SDK1: variants seen among roughly 807,000 people sequenced by gnomAD.
The protein encoded by SDK1 is protein sidekick-1.
In SDK1, 157 loss-of-function variants were observed where a neutral mutation model predicts 245.5. The ratio of observed to expected loss-of-function variants is 0.64; its 90% CI spans 0.56 to 0.73. SDK1 has a LOEUF of 0.73. SDK1 is among the 30% of genes least tolerant of loss of function. SDK1 has a pLI of 0.00. For synonymous variants in SDK1, 1,647 were observed against 1,278.5 expected (o/e 1.29, Z -6.15); for missense variants, 3,583 against 3,002.3 (o/e 1.19, Z -4.52).
intron 4 of SDK1, among the ~76,000 whole-genome samples, chr7:3,806,623 G>A (rs1356324270): frequency 6.6e-6 from 1 of 152,216 alleles, no homozygotes; most frequent in Non-Finnish European, 1.5e-5. Flanking sequence ...TACTGCTTGT[G>A]GCAAACCTAA....
chr7:3,575,648 C>G (rs142611741), intron 1 of SDK1, among the ~76,000 whole-genome samples: 1 of 151,910 alleles, frequency 6.6e-6, no homozygotes, highest in Non-Finnish European at 1.5e-5. Flanking sequence ...TTCAAAGGGA[C>G]TGTCTTCATA....
At chr7:3,846,565 C>G (rs1481671840) in intron 5 of SDK1, among the ~76,000 whole-genome samples, 1 of 152,208 alleles carries the variant, frequency 6.6e-6, no homozygotes, top group Non-Finnish European at 1.5e-5. Flanking sequence ...AGGAAGCCAT[C>G]CACCACTCTA....
At chr7:4,204,761 A>G (rs1173240337) in intron 35 of SDK1, among the ~76,000 whole-genome samples, 1 of 152,246 alleles carries the variant, frequency 6.6e-6, no homozygotes, top group Non-Finnish European at 1.5e-5. Context: ...CCCCCTGCAC[A>G]GCTGCCCTGG....
intron 2 of SDK1, among the ~76,000 whole-genome samples, chr7:3,619,761 G>C (rs1344891169): frequency 6.6e-6 from 1 of 152,170 alleles, no homozygotes; most frequent in Non-Finnish European, 1.5e-5. Context: ...TTGAAGTCCT[G>C]CCATGTGCCC....
chr7:3,814,644 G>A (rs1170222011), intron 4 of SDK1, among the ~76,000 whole-genome samples: 1 of 152,026 alleles, frequency 6.6e-6, no homozygotes, highest in African/African-American at 2.4e-5. Context: ...TTCCAATTCT[G>A]TGAAGAAAGT....
At position 3,821,621 on chromosome 7, in the gene SDK1, A is replaced by G. The variant is rs758518829; in HGVS notation, c.847+38A>G. The G allele has an allele frequency of 6.2e-6, 10 of 1,605,950 alleles. No individual in the cohort carries two copies. The Admixed American group carries it at 6.8e-5, about 11-fold the overall frequency. ...ATCCCAAATGGTAATTCTGCAAGCA[A>G]TAAAATCTTGCTTTAATCAGTAACC... is the stretch of plus-strand genomic sequence containing the variant. On this transcript the variant is annotated intron_variant, in intron 5 of 44. Coordinates refer to ENST00000404826, the MANE Select transcript of SDK1 (RefSeq NM_152744.4).
intron 3 of SDK1, 151 bp from the exon 4 acceptor site, chr7:3,641,807 G>T (rs1782657041): frequency 1.5e-6 from 1 of 650,834 alleles, no homozygotes; most frequent in Non-Finnish European, 2.6e-6. Context: ...GATCCGCGTT[G>T]GTCAGCGCTG....
At chr7:3,614,219 A>G (rs1781694451) in intron 1 of SDK1, among the ~76,000 whole-genome samples, 1 of 151,998 alleles carries the variant, frequency 6.6e-6, no homozygotes, top group African/African-American at 2.4e-5. Flanking sequence ...CACAGATGAG[A>G]CTCTCTCTTT....
chr7:3,576,802 C>T (rs1780307292), intron 1 of SDK1, among the ~76,000 whole-genome samples: 1 of 151,988 alleles, frequency 6.6e-6, no homozygotes, highest in Non-Finnish European at 1.5e-5. Flanking sequence ...TTGATTCAGG[C>T]AGAAGGTATT....
chr7:4,067,014 C>T (rs568375376), intron 19 of SDK1, among the ~76,000 whole-genome samples: 2 of 152,170 alleles, frequency 1.3e-5, no homozygotes, highest in African/African-American at 2.4e-5. Context: ...ATCATGACAG[C>T]GGCTGATGAT....
chr7:3,420,117 G>T (rs1779497851), intron 1 of SDK1, among the ~76,000 whole-genome samples: 4 of 152,140 alleles, frequency 2.6e-5, no homozygotes, highest in African/African-American at 9.7e-5. Flanking sequence ...GCATACCCCA[G>T]AGCAAAAACA....
intron 1 of SDK1, among the ~76,000 whole-genome samples, chr7:3,490,353 T>C (rs1781830409): frequency 6.6e-6 from 1 of 152,184 alleles, no homozygotes; most frequent in Non-Finnish European, 1.5e-5. Flanking sequence ...TCTTTCAGGA[T>C]TGCTTTGTTA....
At chr7:3,310,665 G>A (rs1313708128) in intron 1 of SDK1, among the ~76,000 whole-genome samples, 1 of 152,162 alleles carries the variant, frequency 6.6e-6, no homozygotes, top group Admixed American at 6.5e-5. Context: ...GACCTTTGAG[G>A]CATCTAGACA....
intron 4 of SDK1, among the ~76,000 whole-genome samples, chr7:3,710,091 G>A (rs753544102): frequency 3.9e-5 from 6 of 152,208 alleles, no homozygotes; most frequent in Non-Finnish European, 5.9e-5. Flanking sequence ...AACCTCACAT[G>A]TTGTTCACAA....
At chr7:3,384,658 C>CTG (rs1781566334) in intron 1 of SDK1, among the ~76,000 whole-genome samples, 1 of 152,212 alleles carries the variant, frequency 6.6e-6, no homozygotes, top group South Asian at 2.1e-4. Flanking sequence ...GTTAGATTAG[C>CTG]TGTAGCTTCC....
intron 5 of SDK1, among the ~76,000 whole-genome samples, chr7:3,853,716 C>G (rs187023429): frequency 1.3e-5 from 2 of 152,198 alleles, no homozygotes; most frequent in African/African-American, 2.4e-5. Context: ...TTTGGTCTGG[C>G]ACAGTGGCTC....
intron 14 of SDK1, among the ~76,000 whole-genome samples, chr7:3,992,245 C>G (rs946753397): frequency 2.0e-5 from 3 of 152,242 alleles, no homozygotes; most frequent in African/African-American, 7.2e-5. Flanking sequence ...GGAGCAGAGC[C>G]TGGGGCTTGA....
intron 5 of SDK1, among the ~76,000 whole-genome samples, chr7:3,882,173 A>T (rs1781224231): frequency 6.6e-6 from 1 of 152,072 alleles, no homozygotes; most frequent in African/African-American, 2.4e-5. Context: ...TATGGGGGAA[A>T]CTGCTCCATG....
chr7:3,967,779 A>T (rs1169066595), intron 10 of SDK1, among the ~76,000 whole-genome samples: 2 of 152,120 alleles, frequency 1.3e-5, no homozygotes, highest in Non-Finnish European at 2.9e-5. Flanking sequence ...TGCCGAGCTG[A>T]CAGGAGGGGG....
Sources: allele counts gnomAD v4.1 joint callset (sites outside exome capture counted in the v4.1 genomes callset), GRCh38; gene constraint gnomAD v4.1.1; transcripts MANE v1.5; gene names NCBI Gene and HGNC (gene_info 2026-07-23, HGNC 2026-07-21).